XKR6: variants seen among roughly 807,000 people sequenced by gnomAD.
XKR6 encodes XK related 6.
Under a neutral mutation model 56.7 loss-of-function variants are expected in XKR6, and 22 were observed. The ratio of observed to expected loss-of-function variants is 0.39; its 90% CI spans 0.28 to 0.55. The LOEUF (loss-of-function observed/expected upper bound fraction) is 0.55, where lower values mean the gene tolerates loss of function less well. XKR6 is among the 20% of genes least tolerant of loss of function. The pLI is 0.66. For synonymous variants in XKR6, 524 were observed against 387.8 expected (o/e 1.35, Z -4.13); for missense variants, 852 against 889.0 (o/e 0.96, Z 0.53).
At chr8:11,182,279 C>A (rs909509604) in intron 1 of XKR6, among the ~76,000 whole-genome samples, 17 of 152,140 alleles carry the variant, frequency 1.1e-4, no homozygotes, top group African/African-American at 3.6e-4. Context: ...TTTGAAAGAG[C>A]ACTCTTCTGA....
intron 1 of XKR6, among the ~76,000 whole-genome samples, chr8:11,180,710 G>A (rs555196890): frequency 1.3e-5 from 2 of 152,074 alleles, no homozygotes; most frequent in Non-Finnish European, 2.9e-5. Context: ...TTCAAGCCCA[G>A]CCTGGGCAAC....
intron 1 of XKR6, among the ~76,000 whole-genome samples, chr8:10,926,481 C>T (rs1800889778): frequency 6.6e-6 from 1 of 152,138 alleles, no homozygotes; most frequent in South Asian, 2.1e-4. Context: ...ATGGATGCCT[C>T]ATTTCTCTCC....
intron 1 of XKR6, chr8:11,194,900 T>G: frequency 1.9e-6 from 1 of 530,596 alleles, no homozygotes; most frequent in Non-Finnish European, 3.3e-6. Context: ...GGAAATACTA[T>G]GCTGCATCCC....
At chr8:11,019,565 G>T (rs567622804) in intron 1 of XKR6, among the ~76,000 whole-genome samples, 2 of 152,208 alleles carry the variant, frequency 1.3e-5, no homozygotes, top group Admixed American at 6.5e-5. Flanking sequence ...CTGCTAGAAC[G>T]CGCAGGTGAC....
In XKR6 at chr8:11,108,251, T is replaced by A. The variant is rs1281834744; in HGVS notation, c.764+92325A>T. 6.6e-6 allele frequency: 3 copies of A among 455,882 alleles called. No homozygotes were observed. In the East Asian group the frequency reaches 2.1e-4, roughly 32 times the overall value. 28.2% of individuals were successfully genotyped at this position (455,882 alleles called of 1,614,324 possible). A position where few individuals can be genotyped will look rare whatever the true frequency, so the allele number is the denominator to read the frequency against. ...ATACAATTGTAAAATCTGTAAGGAATAAGGAAGGAATTATCTGTGAATCTT... is the reference window on the plus strand; with the variant it reads ...ATACAATTGTAAAATCTGTAAGGAAAAAGGAAGGAATTATCTGTGAATCTT... On this transcript the variant is annotated intron_variant, in intron 1 of 2. Coordinates refer to ENST00000416569, the MANE Select transcript of XKR6 (RefSeq NM_173683.4).
At chr8:11,092,485 C>G (rs914350260) in intron 1 of XKR6, among the ~76,000 whole-genome samples, 5 of 152,102 alleles carry the variant, frequency 3.3e-5, no homozygotes, top group African/African-American at 1.2e-4. Context: ...AGGTGAGGAC[C>G]CTGGCTGGAA....
At chr8:11,042,046 G>A (rs1350448674) in intron 1 of XKR6, among the ~76,000 whole-genome samples, 4 of 152,122 alleles carry the variant, frequency 2.6e-5, no homozygotes, top group Non-Finnish European at 4.4e-5. Flanking sequence ...TTTTGCAGTG[G>A]TCCTTTATGA....
At chr8:10,928,936 A>G (rs1800979532) in intron 1 of XKR6, among the ~76,000 whole-genome samples, 2 of 152,240 alleles carry the variant, frequency 1.3e-5, no homozygotes, top group South Asian at 4.1e-4. Context: ...GCCTCGGATC[A>G]TGAAATACAC....
intron 1 of XKR6, among the ~76,000 whole-genome samples, chr8:10,983,601 G>A (rs1414803038): frequency 1.3e-5 from 2 of 151,748 alleles, no homozygotes; most frequent in African/African-American, 4.8e-5. Context: ...ACAGACAACA[G>A]CAACACTATT....
chr8:11,172,300 G>A (rs937058391), intron 1 of XKR6, among the ~76,000 whole-genome samples: 1 of 152,110 alleles, frequency 6.6e-6, no homozygotes, highest in East Asian at 1.9e-4. Context: ...AGCCTGGGAG[G>A]TCGAGGCTGC....
intron 1 of XKR6, among the ~76,000 whole-genome samples, chr8:10,975,911 A>C (rs1802541061): frequency 1.3e-5 from 2 of 152,322 alleles, no homozygotes; most frequent in South Asian, 4.1e-4. Flanking sequence ...GCAGTGGCTC[A>C]CGCCTGTAAT....
chr8:11,137,226 A>G, intron 1 of XKR6: 1 of 238,034 alleles, frequency 4.2e-6, no homozygotes, highest in South Asian at 5.3e-5. Flanking sequence ...GAAGAGCTGT[A>G]TGTGGTGAGG....
At chr8:11,015,629 C>T (rs148253358) in intron 1 of XKR6, among the ~76,000 whole-genome samples, 1,677 of 152,268 alleles carry the variant, frequency 0.011, 17 homozygotes, top group Non-Finnish European at 0.017. Flanking sequence ...AGGCAAGAAG[C>T]GGGGCTGGCT....
chr8:11,179,800 A>T (rs1272982808), intron 1 of XKR6, among the ~76,000 whole-genome samples: 1 of 152,206 alleles, frequency 6.6e-6, no homozygotes, highest in Non-Finnish European at 1.5e-5. Context: ...CCTACCTTAA[A>T]GGAGTTTACC....
At chr8:11,042,714 C>A (rs1400744216) in intron 1 of XKR6, among the ~76,000 whole-genome samples, 1 of 152,230 alleles carries the variant, frequency 6.6e-6, no homozygotes, top group African/African-American at 2.4e-5. Context: ...CTTTGAGCAT[C>A]ATGTGGGTGC....
At chr8:11,163,695 G>C (rs760265510) in intron 1 of XKR6, among the ~76,000 whole-genome samples, 20 of 152,146 alleles carry the variant, frequency 1.3e-4, no homozygotes, top group Non-Finnish European at 2.4e-4. Flanking sequence ...CATTTCTACC[G>C]CACTGACTTT....
chr8:11,000,390 G>C (rs1798210708), intron 1 of XKR6, among the ~76,000 whole-genome samples: 2 of 152,180 alleles, frequency 1.3e-5, no homozygotes, highest in Non-Finnish European at 2.9e-5. Flanking sequence ...TTCCACTTCA[G>C]TAGACACATA....
intron 1 of XKR6, among the ~76,000 whole-genome samples, chr8:10,943,849 A>G (rs927767964): frequency 6.6e-6 from 1 of 151,880 alleles, no homozygotes; most frequent in African/African-American, 2.4e-5. Context: ...CCACATCCCT[A>G]CGAATGAGAT....
intron 1 of XKR6, among the ~76,000 whole-genome samples, chr8:11,189,052 T>G (rs1041506239): frequency 1.3e-5 from 2 of 152,118 alleles, no homozygotes; most frequent in Non-Finnish European, 2.9e-5. Context: ...TCAAGCAAAA[T>G]GTAGGTAGGC....
Sources: allele counts gnomAD v4.1 joint callset (sites outside exome capture counted in the v4.1 genomes callset), GRCh38; gene constraint gnomAD v4.1.1; transcripts MANE v1.5; gene names NCBI Gene and HGNC (gene_info 2026-07-23, HGNC 2026-07-21).